Variants in MCF2L observed in about 807,000 individuals in gnomAD.
MCF2L encodes MCF.2 cell line derived transforming sequence like, also known as guanine nucleotide exchange factor DBS.
A neutral mutation model predicts 153.4 loss-of-function variants in MCF2L; 97 were observed. That is an observed-to-expected ratio of 0.63 (90% CI 0.54 to 0.75). The LOEUF (loss-of-function observed/expected upper bound fraction) is 0.75. MCF2L is among the 30% of genes least tolerant of loss of function. The pLI, the probability that MCF2L is intolerant of heterozygous loss-of-function variation, is 0.00. For missense variants in MCF2L, 1,347 were observed against 1,495.2 expected (o/e 0.90, Z 1.64); for synonymous variants, 659 against 632.2 (o/e 1.04, Z -0.64).
chr13:112,948,934 C>T (rs903502011), intron 2 of MCF2L, among the ~76,000 whole-genome samples: 2 of 152,138 alleles, frequency 1.3e-5, no homozygotes, highest in African/African-American at 4.8e-5. Context: ...GGCGTGGTGG[C>T]ATGCACCTGT....
intron 2 of MCF2L, among the ~76,000 whole-genome samples, chr13:112,918,395 A>G (rs888529288): frequency 6.6e-6 from 1 of 152,204 alleles, no homozygotes; most frequent in Non-Finnish European, 1.5e-5. Flanking sequence ...AGAGAGCAGG[A>G]GTAACTGACG....
rs201672761 is a variant in MCF2L, at chr13:113,064,409, T to C, written c.595T>C (p.Cys199Arg). 6.2e-7 allele frequency: 1 copy of C among 1,611,660 alleles called. No homozygotes were observed. Reference protein sequence around the residue: ...TLDYCHSRWLCQRTAIESFAL... With the variant: ...TLDYCHSRWLRQRTAIESFAL... Reference sequence around the variant, plus strand: ...GGACTACTGCCACTCCCGGTGGCTGTGCCAGCGCACGGTGAGCCGCGTCGG... The same window carrying C: ...GGACTACTGCCACTCCCGGTGGCTGCGCCAGCGCACGGTGAGCCGCGTCGG... Residue 199 changes from cysteine to arginine, a missense_variant, in exon 6 of 30, where the codon TGC (cysteine) becomes CGC (arginine). Coordinates refer to ENST00000535094, the MANE Select transcript of MCF2L (RefSeq NM_001112732.3). This position sits in a 1 kb window ranked among gnomAD's most constrained non-coding sequence, Gnocchi z 6.0.
chr13:112,989,010 G>A (rs2082778929), intron 1 of MCF2L, among the ~76,000 whole-genome samples: 1 of 127,498 alleles, frequency 7.8e-6, no homozygotes, highest in Non-Finnish European at 1.7e-5. Context: ...AGTCCTCCCT[G>A]AGCAGGACAT....
intron 2 of MCF2L, among the ~76,000 whole-genome samples, chr13:112,954,481 C>T (rs370691437): frequency 1.3e-5 from 2 of 152,334 alleles, no homozygotes; most frequent in East Asian, 1.9e-4. Context: ...TCACTCCCTC[C>T]TCATTTAACT....
intron 26 of MCF2L, chr13:113,090,998 T>C (rs1242450240): frequency 8.0e-6 from 10 of 1,250,234 alleles, no homozygotes; most frequent in Non-Finnish European, 1.0e-5. Context: ...TTTTCATCGG[T>C]GGAAAGGGGC....
intron 2 of MCF2L, among the ~76,000 whole-genome samples, chr13:113,019,817 C>T (rs919927887): frequency 2.6e-5 from 4 of 152,122 alleles, no homozygotes; most frequent in Admixed American, 6.5e-5. Flanking sequence ...GATCTCCTTC[C>T]GCAGCATGGC....
chr13:113,057,870 GTGTT>G (rs1164110259), intron 4 of MCF2L, among the ~76,000 whole-genome samples: 1 of 145,082 alleles, frequency 6.9e-6, no homozygotes, highest in Non-Finnish European at 1.5e-5. Context: ...TGGGCACTGA[GTGTT>G]TGGATGCTGA....
Position 113,096,110 on chromosome 13 carries a change from G to A in MCF2L, c.3076-261G>A, listed in dbSNP as rs1181571552. The A allele has an allele frequency of 1.2e-5, 7 of 566,744 alleles. No homozygotes were observed. The East Asian group carries it at 2.2e-4, about 18-fold the overall frequency. 35.1% of individuals were successfully genotyped at this position (566,744 alleles called of 1,614,324 possible). ...GCAGGCGCAAAGGCCCTGGGGCCGA[G>A]AGCTGTGTGTGGAGACCAGCGTGAG... On this transcript the variant is annotated intron_variant, in intron 27 of 29. Transcript: ENST00000535094.
intron 1 of MCF2L, among the ~76,000 whole-genome samples, chr13:112,979,021 G>T (rs975047229): frequency 1.3e-5 from 2 of 152,242 alleles, no homozygotes; most frequent in Non-Finnish European, 2.9e-5. Flanking sequence ...GGTGGGAGCT[G>T]CTGGCTTGGG....
intron 1 of MCF2L, among the ~76,000 whole-genome samples, chr13:112,987,027 G>A (rs1269843097): frequency 3.3e-5 from 5 of 152,220 alleles, no homozygotes; most frequent in Admixed American, 2.0e-4. Context: ...AGCACATGAG[G>A]TCGCGGGGCC....
intron 1 of MCF2L, among the ~76,000 whole-genome samples, chr13:112,972,571 T>C (rs542135123): frequency 1.3e-4 from 18 of 136,490 alleles, no homozygotes; most frequent in African/African-American, 3.8e-4. Flanking sequence ...TGGAGGATGA[T>C]GAATGGGTAG....
intron 4 of MCF2L, among the ~76,000 whole-genome samples, chr13:113,047,667 C>T (rs182956082): frequency 2.6e-5 from 4 of 152,378 alleles, no homozygotes; most frequent in African/African-American, 4.8e-5. Flanking sequence ...GGTGTCAGGA[C>T]GCACCTGGGT....
chr13:112,969,083 C>T, upstream of MCF2L: 1 of 253,206 alleles, frequency 3.9e-6, no homozygotes, highest in Non-Finnish European at 7.3e-6. This position sits in a 1 kb window ranked among gnomAD's most constrained non-coding sequence, Gnocchi z 4.8. Context: ...CCAGGTGACC[C>T]CGGCGGTGCA....
chr13:113,023,737 G>A (rs1275898222), intron 2 of MCF2L, among the ~76,000 whole-genome samples: 1 of 152,166 alleles, frequency 6.6e-6, no homozygotes, highest in African/African-American at 2.4e-5. Flanking sequence ...TCCACGCACG[G>A]GGCACTGACT....
Position 113,090,093 on chromosome 13 carries a change from A to G in MCF2L, c.2953+365A>G, listed in dbSNP as rs754085355. On this transcript the variant is annotated intron_variant, in intron 26 of 29. Coordinates refer to ENST00000535094, the MANE Select transcript of MCF2L (RefSeq NM_001112732.3). ...ATGACACGGTCACTAGCTCTGCCTC[A>G]GAAAGCTCTGCGCTTTCCAGAAAGC... 1.5e-5 allele frequency: 23 copies of G among 1,551,256 alleles called. No individual in the cohort carries two copies. The African/African-American group carries it at 2.2e-4, about 15-fold the overall frequency.
intron 1 of MCF2L, among the ~76,000 whole-genome samples, chr13:112,996,517 T>C (rs2083139524): frequency 6.6e-6 from 1 of 152,084 alleles, no homozygotes; most frequent in Non-Finnish European, 1.5e-5. Flanking sequence ...ACGTCGCAAA[T>C]GTTTCCCACC....
At chr13:113,037,714 C>T (rs933211694) in intron 3 of MCF2L, among the ~76,000 whole-genome samples, 3 of 152,208 alleles carry the variant, frequency 2.0e-5, no homozygotes, top group Non-Finnish European at 4.4e-5. Flanking sequence ...TGGAATTTTA[C>T]AGAGGTGAGC....
intron 2 of MCF2L, among the ~76,000 whole-genome samples, chr13:112,923,325 A>G (rs948875075): frequency 2.1e-5 from 3 of 139,560 alleles, no homozygotes; most frequent in Non-Finnish European, 3.0e-5. Flanking sequence ...GTACAGTGGC[A>G]AGATCTCGGC....
At chr13:112,918,425 G>T (rs537971241) in intron 2 of MCF2L, among the ~76,000 whole-genome samples, 1 of 152,220 alleles carries the variant, frequency 6.6e-6, no homozygotes, top group Non-Finnish European at 1.5e-5. Flanking sequence ...TCCCCGTGGG[G>T]TTTCCCACAC....
Sources: gnomAD v4.1 joint callset for allele counts (sites outside exome capture counted in the v4.1 genomes callset) on GRCh38, gnomAD v4.1.1 for gene constraint, Gnocchi (gnomAD v3.1) non-coding constraint, MANE v1.5 for transcripts, NCBI Gene and HGNC (gene_info 2026-07-23, HGNC 2026-07-21) for gene names.